Variants in MAD1L1 observed in about 807,000 individuals in gnomAD.
MAD1L1 encodes mitotic arrest deficient 1 like 1.
A neutral mutation model predicts 96.9 loss-of-function variants in MAD1L1; 95 were observed. That is an observed-to-expected ratio of 0.98 (90% CI 0.83 to 1.16). MAD1L1 has a LOEUF of 1.16. Among genes scored for constraint, MAD1L1 ranks in the 50% most tolerant of loss-of-function variants. The pLI is 0.00. For synonymous variants in MAD1L1, 473 were observed against 396.6 expected, an observed-to-expected ratio of 1.19 and a Z score of -2.29; for missense variants, 1,007 against 954.4, an observed-to-expected ratio of 1.06 and a Z score of -0.73.
chr7:1,862,570 T>C (rs1784583985), intron 18 of MAD1L1, among the ~76,000 whole-genome samples: 1 of 152,312 alleles, frequency 6.6e-6, no homozygotes, highest in South Asian at 2.1e-4. Context: ...CTCTGTACAA[T>C]AAAGTTCATC....
chr7:1,816,483 T>C (rs1297750259), intron 18 of MAD1L1, among the ~76,000 whole-genome samples: 1 of 152,134 alleles, frequency 6.6e-6, no homozygotes, highest in Non-Finnish European at 1.5e-5. Flanking sequence ...CACTGTGGGG[T>C]GTGCCCACCC....
At chr7:1,863,915 C>T (rs549758393) in intron 18 of MAD1L1, among the ~76,000 whole-genome samples, 4 of 152,308 alleles carry the variant, frequency 2.6e-5, no homozygotes, top group African/African-American at 4.8e-5. Context: ...GGTGAAACCC[C>T]GTCTCTACTA....
intron 18 of MAD1L1, among the ~76,000 whole-genome samples, chr7:1,890,742 G>A (rs1234328797): frequency 6.6e-6 from 1 of 152,142 alleles, no homozygotes; most frequent in East Asian, 1.9e-4. Flanking sequence ...GCTCTCCATC[G>A]CTCAGCACCT....
chr7:2,129,651 G>A lies in MAD1L1; in HGVS notation c.1073+19501C>T, dbSNP rs969813260. Among the ~76,000 whole-genome samples, 59 of 152,238 alleles carry A rather than the reference G, an allele frequency of 3.9e-4. 1 individual carries two copies. Among genetic ancestry groups the A allele is most frequent in the African/African-American group, 1.4e-3 (58 of 41,454 alleles). On this transcript the variant is annotated intron_variant, in intron 11 of 18. Transcript: ENST00000265854. ...CTAACAAAGATGGTCTCCCTGACGA[G>A]AGCAAGGTGGCAAGACAGACACAGC... is the stretch of plus-strand genomic sequence containing the variant.
At position 1,868,769 on chromosome 7, in the gene MAD1L1, G is replaced by A. The variant is rs544730418; in HGVS notation, c.1998+29431C>T. Among the ~76,000 whole-genome samples the A allele has an allele frequency of 1.1e-4, 17 of 152,320 alleles. No individual in the cohort carries two copies. The East Asian group carries it at 3.1e-3, about 28-fold the overall frequency. Reference sequence around the variant, plus strand: ...CAAGGGGCCAACAGGACGCAGTGACGACCACCAGGGGAACGCCCAGAAGAC... The same window carrying A: ...CAAGGGGCCAACAGGACGCAGTGACAACCACCAGGGGAACGCCCAGAAGAC... On this transcript the variant is annotated intron_variant, in intron 18 of 18. Coordinates refer to ENST00000265854, the MANE Select transcript of MAD1L1 (RefSeq NM_001013836.2).
intron 18 of MAD1L1, among the ~76,000 whole-genome samples, chr7:1,826,928 C>T (rs976657933): frequency 6.6e-6 from 1 of 152,156 alleles, no homozygotes; most frequent in African/African-American, 2.4e-5. Flanking sequence ...AGGCCAGGCA[C>T]CCCAGCAGTC....
intron 10 of MAD1L1, among the ~76,000 whole-genome samples, chr7:2,184,848 A>G (rs912712331): frequency 2.0e-5 from 3 of 151,948 alleles, no homozygotes; most frequent in African/African-American, 4.8e-5. Flanking sequence ...CTAAAAATAC[A>G]AAAATTAGCC....
chr7:2,042,252 GAC>G (rs756165683), intron 12 of MAD1L1, among the ~76,000 whole-genome samples: 31 of 149,194 alleles, frequency 2.1e-4, no homozygotes, highest in African/African-American at 6.0e-4. Flanking sequence ...CACGTACACA[GAC>G]ACACATACGC....
chr7:1,817,804 T>G (rs1781900791), intron 18 of MAD1L1, among the ~76,000 whole-genome samples: 1 of 152,066 alleles, frequency 6.6e-6, no homozygotes. Context: ...CAGGGCGGCC[T>G]GGCTCCATCC....
intron 9 of MAD1L1, among the ~76,000 whole-genome samples, chr7:2,214,178 A>G (rs759844013): frequency 4.6e-5 from 7 of 152,210 alleles, no homozygotes; most frequent in Non-Finnish European, 1.0e-4. Flanking sequence ...ACGGGGAGAC[A>G]GACAGGGAGA....
chr7:2,046,164 C>A (rs540354757), intron 12 of MAD1L1, among the ~76,000 whole-genome samples: 49 of 152,292 alleles, frequency 3.2e-4, no homozygotes, highest in African/African-American at 9.6e-4. Context: ...AGGCCCCACG[C>A]CCCAGGTGGA....
At chr7:1,957,002 C>G (rs566625973) in intron 16 of MAD1L1, among the ~76,000 whole-genome samples, 1 of 152,352 alleles carries the variant, frequency 6.6e-6, no homozygotes, top group South Asian at 2.1e-4. Context: ...AGACGTTCAG[C>G]AGCTCTGACG....
intron 11 of MAD1L1, among the ~76,000 whole-genome samples, chr7:2,106,919 G>A (rs957634344): frequency 8.5e-5 from 13 of 152,144 alleles, no homozygotes; most frequent in Non-Finnish European, 1.3e-4. Context: ...GCAGGGGCCC[G>A]GGGGTCCAGA....
At chr7:1,825,421 A>T (rs927840678) in intron 18 of MAD1L1, among the ~76,000 whole-genome samples, 15 of 152,246 alleles carry the variant, frequency 9.9e-5, no homozygotes, top group Admixed American at 9.8e-4. Flanking sequence ...GGCGTGGGTC[A>T]CAGCGTGAGC....
At chr7:2,122,764 T>G (rs1036746321) in intron 11 of MAD1L1, among the ~76,000 whole-genome samples, 3 of 152,194 alleles carry the variant, frequency 2.0e-5, no homozygotes, top group East Asian at 3.9e-4. Context: ...CCTGTGCAGG[T>G]GCACGGGTGA....
chr7:2,144,651 T>C (rs1295323431), intron 11 of MAD1L1, among the ~76,000 whole-genome samples: 3 of 151,578 alleles, frequency 2.0e-5, no homozygotes, highest in Non-Finnish European at 4.4e-5. Flanking sequence ...GGTGCTTGGG[T>C]CCCTAAGGGC....
chr7:1,902,150 C>A (rs1429329034), intron 17 of MAD1L1, among the ~76,000 whole-genome samples: 1 of 152,302 alleles, frequency 6.6e-6, no homozygotes, highest in East Asian at 1.9e-4. Context: ...ACAGCCACCC[C>A]CTCACCACCT....
intron 12 of MAD1L1, among the ~76,000 whole-genome samples, chr7:2,018,829 C>A (rs1476263742): frequency 6.6e-6 from 1 of 152,138 alleles, no homozygotes; most frequent in Admixed American, 6.5e-5. Flanking sequence ...TCCCTCCGCC[C>A]CCTCCAGCCC....
intron 10 of MAD1L1, among the ~76,000 whole-genome samples, chr7:2,199,596 C>A (rs1311939256): frequency 6.6e-6 from 1 of 152,274 alleles, no homozygotes; most frequent in African/African-American, 2.4e-5. Flanking sequence ...CAGCAGTCTT[C>A]CACTCCGCAT....
Sources: allele counts gnomAD v4.1 joint callset (sites outside exome capture counted in the v4.1 genomes callset), GRCh38; gene constraint gnomAD v4.1.1; transcripts MANE v1.5; gene names NCBI Gene and HGNC (gene_info 2026-07-23, HGNC 2026-07-21).